The following EFR3B variants were observed in gnomAD, a reference collection of about 807,000 sequenced individuals.
The protein encoded by EFR3B is protein EFR3 homolog B.
A neutral mutation model predicts 104.7 loss-of-function variants in EFR3B; 64 were observed. The observed-to-expected ratio is 0.61, with a 90% confidence interval of 0.50 to 0.75. The LOEUF (loss-of-function observed/expected upper bound fraction) is 0.75. Among genes scored for constraint, EFR3B ranks in the 30% least tolerant of loss-of-function variants. EFR3B has a pLI of 0.00. For missense variants in EFR3B, 750 were observed against 1,078.5 expected, an observed-to-expected ratio of 0.70 and a Z score of 4.27; for synonymous variants, 385 against 417.9, an observed-to-expected ratio of 0.92 and a Z score of 0.96.
In EFR3B at chr2:25,042,614, G is replaced by A; in HGVS notation, c.7+295G>A. On this transcript the variant is annotated intron_variant, in intron 1 of 22. Transcript: ENST00000403714. The surrounding 1 kb of genome is among the most constrained non-coding windows in gnomAD (Gnocchi z 5.4). ...GGGTCTCCCGGAGCCGAGCAGACCG[G>A]GAGTGCTGGAGGAGGTGGTCGTGTG... 8.5e-7 allele frequency: 1 copy of A among 1,174,724 alleles called. No individual in the cohort carries two copies. Among genetic ancestry groups the A allele is most frequent in the East Asian group, 3.7e-5 (1 of 26,762 alleles). 72.8% of individuals were successfully genotyped at this position (1,174,724 alleles called of 1,614,324 possible). A position where few individuals can be genotyped will look rare whatever the true frequency, so the allele number is the denominator to read the frequency against.
intron 4 of EFR3B, among the ~76,000 whole-genome samples, chr2:25,109,196 C>T (rs981676775): frequency 2.7e-5 from 4 of 149,636 alleles, no homozygotes; most frequent in African/African-American, 9.9e-5. Context: ...TAATTAAAAA[C>T]GGGCAAAGAA....
chr2:25,065,737 T>C (rs938446973), intron 1 of EFR3B, among the ~76,000 whole-genome samples: 2 of 152,154 alleles, frequency 1.3e-5, no homozygotes, highest in Admixed American at 1.3e-4. Context: ...TCACCTCCCC[T>C]AAGCTGCCAG....
In EFR3B at chr2:25,042,083, C is replaced by G. The variant is rs975189307; in HGVS notation, c.-230C>G. ...CCCCCGCCCCCTGCGCGCAGCAGTGCCCAGCAACCCGAGCGGAGGCGGCCG... is the reference window on the plus strand; with the variant it reads ...CCCCCGCCCCCTGCGCGCAGCAGTGGCCAGCAACCCGAGCGGAGGCGGCCG... On this transcript the variant is annotated 5_prime_UTR_variant, in exon 1 of 23. Coordinates refer to ENST00000403714, the MANE Select transcript of EFR3B (RefSeq NM_014971.2). This position sits in a 1 kb window ranked among gnomAD's most constrained non-coding sequence, Gnocchi z 5.4. 8.9e-5 allele frequency: 27 copies of G among 303,678 alleles called. No homozygotes were observed. The highest frequency in any genetic ancestry group is 1.6e-4 in the South Asian group (1 of 6,268). The allele number at this position is 303,678 out of a possible 1,614,324, so 18.8% of individuals were successfully genotyped here.
intron 1 of EFR3B, among the ~76,000 whole-genome samples, chr2:25,082,860 T>C (rs1456897249): frequency 2.0e-5 from 3 of 152,048 alleles, no homozygotes; most frequent in Non-Finnish European, 4.4e-5. Context: ...GACAGAAAAT[T>C]AAAGTGGAAT....
intron 17 of EFR3B, 38 bp from the exon 18 acceptor site, chr2:25,143,697 G>A (rs928683450): frequency 1.7e-5 from 26 of 1,549,504 alleles, no homozygotes; most frequent in East Asian, 1.2e-4. Context: ...TCTAGATACC[G>A]CGGTTCTAAC....
intron 13 of EFR3B, among the ~76,000 whole-genome samples, chr2:25,135,978 A>AT (rs1320938968): frequency 6.6e-6 from 1 of 152,008 alleles, no homozygotes; most frequent in African/African-American, 2.4e-5. Context: ...GACTGAAGGG[A>AT]TTTGGGGGGA....
Position 25,081,093 on chromosome 2 carries a change from A to AT in EFR3B, c.8-10230dup, listed in dbSNP as rs2149179524. ...ACCTTGAAATGACCTCTCCATCCCTATTGCAAAGTAGTCTTCTCCCCTAGG... is the reference window on the plus strand; with the variant it reads ...ACCTTGAAATGACCTCTCCATCCCTATTTGCAAAGTAGTCTTCTCCCCTAGG... On this transcript the variant is annotated intron_variant, in intron 1 of 22. Transcript: ENST00000403714. 14 of 699,640 alleles carry AT rather than the reference A, an allele frequency of 2.0e-5. No individual in the cohort carries two copies. The South Asian group carries it at 2.1e-4, about 10-fold the overall frequency. The allele number at this position is 699,640 out of a possible 1,614,324, so 43.3% of individuals were successfully genotyped here. A position where few individuals can be genotyped will look rare whatever the true frequency, so the allele number is the denominator to read the frequency against.
At chr2:25,048,169 C>T (rs370436882) in intron 1 of EFR3B, among the ~76,000 whole-genome samples, 23 of 152,280 alleles carry the variant, frequency 1.5e-4, no homozygotes, top group East Asian at 7.7e-4. Flanking sequence ...GCATGTGCAA[C>T]CATGCCCAGC....
chr2:25,120,421 G>A lies in EFR3B; in HGVS notation c.364-1252G>A, dbSNP rs866987292. ...AGCACTTTGGGAGGCTGAGGCGGGC[G>A]GATCACAAGGTCAAGAGATCGAGAC... On this transcript the variant is annotated intron_variant, in intron 4 of 22. Coordinates refer to ENST00000403714, the MANE Select transcript of EFR3B (RefSeq NM_014971.2). Among the ~76,000 whole-genome samples, 30 of 152,146 alleles carry A rather than the reference G, an allele frequency of 2.0e-4. No homozygotes were observed. In the Middle Eastern group the frequency reaches 0.014, roughly 69 times the overall value.
intron 1 of EFR3B, among the ~76,000 whole-genome samples, chr2:25,045,196 C>T (rs894341694): frequency 1.3e-5 from 2 of 152,268 alleles, no homozygotes; most frequent in African/African-American, 2.4e-5. Context: ...CTGCCACCCC[C>T]GCTTACACAG....
At chr2:25,045,505 GGC>G (rs1667689308) in intron 1 of EFR3B, among the ~76,000 whole-genome samples, 1 of 152,252 alleles carries the variant, frequency 6.6e-6, no homozygotes, top group Non-Finnish European at 1.5e-5. Flanking sequence ...GCTAAGGCTG[GGC>G]GTGGTGGCTC....
chr2:25,130,407 C>T lies in EFR3B; in HGVS notation c.771-145C>T. 1 of 819,948 alleles carries T rather than the reference C, an allele frequency of 1.2e-6. No individual in the cohort carries two copies. Among genetic ancestry groups the T allele is most frequent in the Non-Finnish European group, 2.0e-6 (1 of 494,904 alleles). The allele number at this position is 819,948 out of a possible 1,614,324, so 50.8% of individuals were successfully genotyped here. A position where few individuals can be genotyped will look rare whatever the true frequency, so the allele number is the denominator to read the frequency against. On this transcript the variant is annotated intron_variant, in intron 7 of 22. Coordinates refer to ENST00000403714, the MANE Select transcript of EFR3B (RefSeq NM_014971.2). The surrounding 1 kb of genome is among the most constrained non-coding windows in gnomAD (Gnocchi z 4.6). Reference sequence around the variant, plus strand: ...TCTCTCCAGCACTGGACTGGGACTACCCCAAGGCCCTTCAGGCTTCACTTC... The same window carrying T: ...TCTCTCCAGCACTGGACTGGGACTATCCCAAGGCCCTTCAGGCTTCACTTC...
intron 1 of EFR3B, among the ~76,000 whole-genome samples, chr2:25,044,783 C>T (rs942948479): frequency 6.6e-6 from 1 of 152,164 alleles, no homozygotes; most frequent in African/African-American, 2.4e-5. Flanking sequence ...CTGTCCAGCT[C>T]TGGAGGATCT....
At chr2:25,138,980 G>C in intron 15 of EFR3B, 79 bp from the exon 16 acceptor site, 1 of 1,515,408 alleles carries the variant, frequency 6.6e-7, no homozygotes, top group Non-Finnish European at 8.9e-7. Context: ...AGAAGATTGG[G>C]AAGAGGTCGG....
chr2:25,105,732 TGGAAAATGAACCAGCC>T (rs1425434761), intron 4 of EFR3B, among the ~76,000 whole-genome samples: 2 of 152,164 alleles, frequency 1.3e-5, no homozygotes, highest in African/African-American at 4.8e-5. Context: ...AACATCTGAA[TGGAAAATGAACCAGCC>T]ACCATGCATC....
At position 25,133,397 on chromosome 2, in the gene EFR3B, G is replaced by T. The variant is rs754020231; in HGVS notation, c.1274G>T (p.Arg425Leu). ...CTGGTCTACAGGGAGAATAGGAACC[G>T]TCTGACCCAGATTATGCTGCTAAAA... The part of the protein sequence containing the change: ...DTGRTGENRN[R>L]LTQIMLLKSL... The change falls in exon 12 of 23, where the codon CGT becomes CTT. Residue 425 changes from arginine (R) to leucine (L), a missense_variant. Transcript: ENST00000403714. 1 of 1,552,358 alleles carries T rather than the reference G, an allele frequency of 6.4e-7. No individual in the cohort carries two copies. Among genetic ancestry groups the T allele is most frequent in the Non-Finnish European group, 8.7e-7 (1 of 1,147,142 alleles).
chr2:25,080,307 TTTTTG>T, intron 1 of EFR3B: 1 of 904,264 alleles, frequency 1.1e-6, no homozygotes, highest in African/African-American at 2.1e-5. Flanking sequence ...TTTTTTTTTT[TTTTTG>T]AGATGGAGTT....
chr2:25,148,930 A>G (rs1325583148), intron 19 of EFR3B, among the ~76,000 whole-genome samples: 1 of 150,110 alleles, frequency 6.7e-6, no homozygotes, highest in African/African-American at 2.4e-5. Flanking sequence ...TCAAAAAAAA[A>G]AAAAAAAAAA....
intron 1 of EFR3B, among the ~76,000 whole-genome samples, chr2:25,049,887 G>A (rs974079023): frequency 6.6e-6 from 1 of 151,736 alleles, no homozygotes; most frequent in Non-Finnish European, 1.5e-5. Flanking sequence ...GGCCGAGGTG[G>A]GTGGATCACC....
Sources: gnomAD v4.1 joint callset for allele counts (sites outside exome capture counted in the v4.1 genomes callset) on GRCh38, gnomAD v4.1.1 for gene constraint, Gnocchi (gnomAD v3.1) non-coding constraint, MANE v1.5 for transcripts, NCBI Gene and HGNC (gene_info 2026-07-23, HGNC 2026-07-21) for gene names.